Variants in CEP95 observed in about 807,000 individuals in gnomAD.
The protein encoded by CEP95 is centrosomal protein 95.
In CEP95, 98 loss-of-function variants were observed where a neutral mutation model predicts 111.2. The observed-to-expected ratio is 0.88, with a 90% CI of 0.75 to 1.04. The LOEUF (loss-of-function observed/expected upper bound fraction) is 1.04. CEP95 is among the 50% of genes least tolerant of loss of function. CEP95 has a pLI of 0.00. For synonymous variants in CEP95, 323 were observed against 327.1 expected (o/e 0.99, Z 0.14); for missense variants, 1,027 against 977.2 (o/e 1.05, Z -0.68).
At chr17:64,516,202 T>A (rs1317905651) in intron 4 of CEP95, 1 of 152,230 alleles carries the variant, frequency 6.6e-6, no homozygotes, top group East Asian at 1.9e-4. Context: ...CATGGGAGGT[T>A]TCACCTACAT....
chr17:64,537,834 C>A lies in CEP95; in HGVS notation c.*55C>A. The A allele has an allele frequency of 8.7e-7, 1 of 1,148,510 alleles. No homozygotes were observed. 71.1% of individuals were successfully genotyped at this position (1,148,510 alleles called of 1,614,324 possible). A position where few individuals can be genotyped will look rare whatever the true frequency, so the allele number is the denominator to read the frequency against. On this transcript the variant is annotated 3_prime_UTR_variant, in exon 20 of 20. Transcript: ENST00000556440. ...TCTGGAGGCCTTTACCAGGACAGAG[C>A]TAGAATCGAGCCAGTAAACAGTCTA... is the stretch of plus-strand genomic sequence containing the variant.
Position 64,534,703 on chromosome 17 carries a change from C to T in CEP95, c.2036C>T (p.Ala679Val), listed in dbSNP as rs374995934. The T allele has an allele frequency of 5.6e-5, 90 of 1,612,638 alleles. No individual in the cohort carries two copies. The highest frequency in any genetic ancestry group is 2.2e-4 in the Admixed American group (13 of 59,828). ...YYDDYRVQLC[A>V]KMMRMRTREE... Reference sequence around the variant, plus strand: ...GATGATTATAGAGTTCAGTTGTGTGCAAAAATGATGAGAATGAGGACCCGG... The same window carrying T: ...GATGATTATAGAGTTCAGTTGTGTGTAAAAATGATGAGAATGAGGACCCGG... Residue 679 changes from alanine to valine, a missense_variant, in exon 17 of 20, where the codon GCA becomes GTA. By Grantham distance (64) the Ala-to-Val change is moderately conservative (BLOSUM62 0). Coordinates refer to ENST00000556440, the MANE Select transcript of CEP95 (RefSeq NM_138363.3).
chr17:64,531,600 A>AT (rs1968285739), intron 13 of CEP95, among the ~76,000 whole-genome samples: 1 of 152,204 alleles, frequency 6.6e-6, no homozygotes, highest in Admixed American at 6.5e-5. Flanking sequence ...TAAAAAAAAG[A>AT]TTAATAGTGG....
chr17:64,521,256 G>C, intron 6 of CEP95, 146 bp from the exon 7 acceptor site: 1 of 603,618 alleles, frequency 1.7e-6, no homozygotes, highest in South Asian at 2.1e-5. Context: ...AATAATAATT[G>C]GTATTTTGAG....
At chr17:64,521,343 A>G in intron 6 of CEP95, 59 bp from the exon 7 acceptor site, 1 of 1,296,110 alleles carries the variant, frequency 7.7e-7, no homozygotes, top group Non-Finnish European at 1.1e-6. Flanking sequence ...CTTTTAGTAT[A>G]ATGTTCAGCA....
chr17:64,508,694 A>G lies in CEP95; in HGVS notation c.122A>G (p.Gln41Arg). Reference sequence around the variant, plus strand: ...GCTAATGTTTTTATTGCTCTTTATCAGTCTATTTTGGGAGAAAAGGTACCA... The same window carrying G: ...GCTAATGTTTTTATTGCTCTTTATCGGTCTATTTTGGGAGAAAAGGTACCA... Reference protein sequence around the residue: ...CDANVFIALYQSILGEKVPDL... With the variant: ...CDANVFIALYRSILGEKVPDL... Residue 41 changes from glutamine (Q) to arginine (R), a missense_variant, in exon 2 of 20, where the codon CAG becomes CGG. Coordinates refer to ENST00000556440, the MANE Select transcript of CEP95 (RefSeq NM_138363.3). 1 of 1,434,500 alleles carries G rather than the reference A, an allele frequency of 7.0e-7. No individual in the cohort carries two copies. The highest frequency in any genetic ancestry group is 9.2e-7 in the Non-Finnish European group (1 of 1,083,798). 88.9% of individuals were successfully genotyped at this position (1,434,500 alleles called of 1,614,324 possible).
intron 11 of CEP95, among the ~76,000 whole-genome samples, chr17:64,527,872 A>ATG (rs1202271487): frequency 1.3e-4 from 14 of 111,856 alleles, no homozygotes; most frequent in Admixed American, 7.4e-4. Flanking sequence ...GTGTGTGTGT[A>ATG]TATATATATA....
At chr17:64,514,622 ATTAT>A (rs2039050818) in intron 4 of CEP95, 1 of 415,398 alleles carries the variant, frequency 2.4e-6, no homozygotes, top group African/African-American at 2.0e-5. Flanking sequence ...TTCTGGCTAA[ATTAT>A]TTATTGTCCT....
intron 11 of CEP95, among the ~76,000 whole-genome samples, chr17:64,528,927 T>G (rs1555679691): frequency 6.6e-6 from 1 of 152,202 alleles, no homozygotes; most frequent in African/African-American, 2.4e-5. Context: ...CATCCCACCT[T>G]CTCAGGACCC....
intron 17 of CEP95, chr17:64,535,104 T>G (rs899824013): frequency 4.0e-6 from 1 of 246,966 alleles, no homozygotes; most frequent in Non-Finnish European, 8.1e-6. Flanking sequence ...CCAGCTGTGC[T>G]GTGAGGGGTT....
At chr17:64,523,518 GATCAC>G (rs1168785882) in intron 8 of CEP95, among the ~76,000 whole-genome samples, 1 of 151,646 alleles carries the variant, frequency 6.6e-6, no homozygotes, top group East Asian at 1.9e-4. Context: ...AGTGAGCCAA[GATCAC>G]GCCACTGCGC....
chr17:64,521,375 T>C (rs565713220), intron 6 of CEP95, 27 bp from the exon 7 acceptor site: 5 of 1,573,980 alleles, frequency 3.2e-6, no homozygotes, highest in Admixed American at 1.8e-5. Flanking sequence ...TAGTTAAAAA[T>C]TTTACCTTTA....
intron 16 of CEP95, among the ~76,000 whole-genome samples, chr17:64,533,812 G>T (rs1052021671): frequency 2.6e-5 from 4 of 152,140 alleles, no homozygotes; most frequent in Non-Finnish European, 5.9e-5. Context: ...AGTTCTGTCT[G>T]TGGACTCCAT....
At chr17:64,506,853 G>T (rs527366177), upstream of CEP95, 3 of 608,420 alleles carry the variant, frequency 4.9e-6, no homozygotes, top group East Asian at 8.3e-5. Context: ...GGTTTTGGTC[G>T]GCGGAGAATG....
rs549631790 is a variant in CEP95 at position 64,508,675 on chromosome 17, G to A, written c.103G>A (p.Val35Ile). The A allele has an allele frequency of 6.9e-7, 1 of 1,459,184 alleles. No homozygotes were observed. The highest frequency in any genetic ancestry group is 1.4e-5 in the African/African-American group (1 of 69,614). 90.4% of individuals were successfully genotyped at this position (1,459,184 alleles called of 1,614,324 possible). A position where few individuals can be genotyped will look rare whatever the true frequency, so the allele number is the denominator to read the frequency against. Reference sequence around the variant, plus strand: ...TGAACTTCAAGACTGTGATGCTAATGTTTTTATTGCTCTTTATCAGTCTAT... The same window carrying A: ...TGAACTTCAAGACTGTGATGCTAATATTTTTATTGCTCTTTATCAGTCTAT... ...IHELQDCDAN[V>I]FIALYQSILG... The change falls in exon 2 of 20, where the codon GTT becomes ATT. Residue 35 changes from valine to isoleucine, a missense_variant. Val to Ile is a conservative substitution (Grantham distance 29). Coordinates refer to ENST00000556440, the MANE Select transcript of CEP95 (RefSeq NM_138363.3).
At chr17:64,523,608 T>C (rs1468551607) in intron 8 of CEP95, among the ~76,000 whole-genome samples, 1 of 151,818 alleles carries the variant, frequency 6.6e-6, no homozygotes, top group Non-Finnish European at 1.5e-5. Context: ...AGTCATCCTG[T>C]CCTTATCTTT....
rs2038813364 is a variant in CEP95, at chr17:64,510,118, G to C, written c.149-55G>C. 3.3e-6 allele frequency: 3 copies of C among 922,824 alleles called. No homozygotes were observed. In the East Asian group the frequency reaches 7.7e-5, roughly 24 times the overall value. The allele number at this position is 922,824 out of a possible 1,614,324, so 57.2% of individuals were successfully genotyped here. ...TCAGTAGCCTAGTCAGAGACAATGA[G>C]ATGAAAACTTGGCCTCTCATGGATA... On this transcript the variant is annotated intron_variant, in intron 2 of 19. Transcript: ENST00000556440.
intron 2 of CEP95, among the ~76,000 whole-genome samples, chr17:64,509,073 G>A (rs1261055589): frequency 1.3e-5 from 2 of 152,114 alleles, no homozygotes; most frequent in East Asian, 1.9e-4. Context: ...TTCTGTAAAT[G>A]TACCTTCAAA....
chr17:64,519,507 A>T (rs562102852), intron 6 of CEP95, 71 bp downstream of exon 6: 2 of 1,150,980 alleles, frequency 1.7e-6, no homozygotes, highest in African/African-American at 3.0e-5. Flanking sequence ...GGTATGTAGG[A>T]GTGTTTAAAA....
Sources: allele counts gnomAD v4.1 joint callset (sites outside exome capture counted in the v4.1 genomes callset), GRCh38; gene constraint gnomAD v4.1.1; transcripts MANE v1.5; gene names NCBI Gene and HGNC (gene_info 2026-07-23, HGNC 2026-07-21).